FOXK2: variants seen among roughly 807,000 people sequenced by gnomAD.
The protein encoded by FOXK2 is forkhead box protein K2.
A neutral mutation model predicts 53.3 loss-of-function variants in FOXK2; 24 were observed. The ratio of observed to expected loss-of-function variants is 0.45; its 90% CI spans 0.33 to 0.63. The LOEUF (loss-of-function observed/expected upper bound fraction) is 0.63, where lower values mean the gene tolerates loss of function less well. Among genes scored for constraint, FOXK2 ranks in the 30% least tolerant of loss-of-function variants. The pLI is 0.03. For missense variants in FOXK2, 952 were observed against 910.5 expected (o/e 1.05, Z -0.59); for synonymous variants, 505 against 407.1 (o/e 1.24, Z -2.89).
intron 1 of FOXK2, among the ~76,000 whole-genome samples, chr17:82,520,751 G>A (rs554314255): frequency 1.2e-4 from 19 of 152,344 alleles, no homozygotes; most frequent in African/African-American, 4.1e-4. Context: ...TTTTGTTGTT[G>A]TTGTTGTTCA....
rs2045169655 is a variant in FOXK2, at chr17:82,586,537, TCAAAGGTAGGCGGA to T, written c.1576+338_1576+351del. Among the ~76,000 whole-genome samples, 3 of 100,918 alleles carry T rather than the reference TCAAAGGTAGGCGGA, an allele frequency of 3.0e-5. 1 individual carries two copies. Among genetic ancestry groups the T allele is most frequent in the Admixed American group, 1.8e-4 (2 of 10,874 alleles). 66.2% of individuals were successfully genotyped at this position (100,918 alleles called of 152,430 possible). A position where few individuals can be genotyped will look rare whatever the true frequency, so the allele number is the denominator to read the frequency against. ...GAGGAGAGGGGAGACCACAGGGAGG[TCAAAGGTAGGCGGA>T]GGGGAAAGGAGGAGAGGCTGCCCCA... On this transcript the variant is annotated intron_variant, in intron 7 of 8. Transcript: ENST00000335255.
intron 8 of FOXK2, among the ~76,000 whole-genome samples, chr17:82,591,418 C>T (rs891329183): frequency 2.0e-5 from 3 of 152,216 alleles, no homozygotes; most frequent in Non-Finnish European, 2.9e-5. Context: ...TGCTCCAGGG[C>T]CCCAAACCCT....
At chr17:82,548,363 T>A (rs1206882967) in intron 1 of FOXK2, among the ~76,000 whole-genome samples, 3 of 152,204 alleles carry the variant, frequency 2.0e-5, no homozygotes, top group Admixed American at 1.3e-4. Context: ...TATTTTTTTT[T>A]AATACTTTGG....
intron 1 of FOXK2, among the ~76,000 whole-genome samples, chr17:82,521,468 G>C (rs1295280806): frequency 6.6e-6 from 1 of 150,626 alleles, no homozygotes. Flanking sequence ...CACCGCGCCC[G>C]GCCTACAAAT....
At chr17:82,595,464 GC>G (rs1370934887) in intron 8 of FOXK2, among the ~76,000 whole-genome samples, 36 of 152,270 alleles carry the variant, frequency 2.4e-4, no homozygotes, top group Non-Finnish European at 5.0e-4. Context: ...AACATGTCCA[GC>G]TAATATTTTT....
intron 1 of FOXK2, among the ~76,000 whole-genome samples, chr17:82,530,820 G>A (rs2044466485): frequency 6.6e-6 from 1 of 152,122 alleles, no homozygotes; most frequent in Non-Finnish European, 1.5e-5. Context: ...CCGGTCTACT[G>A]TTGTGTTTTC....
intron 1 of FOXK2, among the ~76,000 whole-genome samples, chr17:82,536,310 T>C (rs1446316237): frequency 6.6e-6 from 1 of 152,226 alleles, no homozygotes; most frequent in Non-Finnish European, 1.5e-5. Flanking sequence ...CATACTTTCC[T>C]GTTTCTTTGT....
intron 1 of FOXK2, among the ~76,000 whole-genome samples, chr17:82,556,868 A>G (rs1390198449): frequency 6.6e-6 from 1 of 151,470 alleles, no homozygotes; most frequent in African/African-American, 2.4e-5. Flanking sequence ...ACACCTGGCT[A>G]ATTTTTGTAT....
At position 82,601,501 on chromosome 17, in the gene FOXK2, G is replaced by A. The variant is rs780334494; in HGVS notation, c.*2G>A. 8 of 1,595,782 alleles carry A rather than the reference G, an allele frequency of 5.0e-6. No homozygotes were observed. The highest frequency in any genetic ancestry group is 4.5e-5 in the East Asian group (2 of 44,514). On this transcript the variant is annotated 3_prime_UTR_variant, in exon 9 of 9. Transcript: ENST00000335255. ...AGGGAAAAGGGTGTCCAGAACTAGC[G>A]ACCGGGAGAGCTTTTCTTTAACGAT...
intron 1 of FOXK2, among the ~76,000 whole-genome samples, chr17:82,529,406 T>TG: frequency 6.8e-6 from 1 of 146,926 alleles, no homozygotes; most frequent in Non-Finnish European, 1.5e-5. Flanking sequence ...TTTTTTTTTT[T>TG]CAAGATGGAG....
At chr17:82,545,636 C>T (rs2044617215) in intron 1 of FOXK2, among the ~76,000 whole-genome samples, 2 of 147,480 alleles carry the variant, frequency 1.4e-5, no homozygotes, top group Non-Finnish European at 3.0e-5. Flanking sequence ...GGCTGGAGTA[C>T]AGTGGCACGA....
rs552880170 is a variant in FOXK2 at position 82,546,491 on chromosome 17, T to C, written c.420-16863T>C. Among the ~76,000 whole-genome samples, 4 of 151,032 alleles carry C rather than the reference T, an allele frequency of 2.6e-5. No individual in the cohort carries two copies. In the East Asian group the frequency reaches 7.8e-4, roughly 30 times the overall value. The stretch of plus-strand genomic sequence containing the variant: ...CTCGGTGCAGCTCGCCTTGTAAGTG[T>C]GGTGGGGAAGCTAGGAGTCTGAGTG... On this transcript the variant is annotated intron_variant, in intron 1 of 8. Transcript: ENST00000335255.
At chr17:82,533,996 G>A (rs188224634) in intron 1 of FOXK2, among the ~76,000 whole-genome samples, 8 of 149,834 alleles carry the variant, frequency 5.3e-5, no homozygotes, top group Admixed American at 1.3e-4. Flanking sequence ...GGGAGACCCT[G>A]TCTCAGGTCG....
At chr17:82,553,990 C>T (rs948439073) in intron 1 of FOXK2, among the ~76,000 whole-genome samples, 2 of 152,094 alleles carry the variant, frequency 1.3e-5, no homozygotes, top group East Asian at 1.9e-4. Flanking sequence ...CCCACCACCA[C>T]GCCTGGGTAA....
intron 3 of FOXK2, among the ~76,000 whole-genome samples, chr17:82,569,884 G>A (rs1307224341): frequency 2.6e-5 from 4 of 151,386 alleles, no homozygotes; most frequent in Non-Finnish European, 5.9e-5. Flanking sequence ...GAAAGAATTA[G>A]GTATGTGGAG....
chr17:82,585,871 TGTAA>T (rs780421896), intron 6 of FOXK2, 29 bp from the exon 7 acceptor site: 186 of 1,589,560 alleles, frequency 1.2e-4, no homozygotes, highest in Non-Finnish European at 1.5e-4. Context: ...AGTCAGTATC[TGTAA>T]GTGTCAGTCC....
intron 1 of FOXK2, among the ~76,000 whole-genome samples, chr17:82,545,407 A>G (rs911444510): frequency 6.6e-6 from 1 of 152,172 alleles, no homozygotes; most frequent in Non-Finnish European, 1.5e-5. Flanking sequence ...AGGTTAGTCC[A>G]TATTTTTGCA....
At chr17:82,532,086 GTAAAC>G (rs2044477202) in intron 1 of FOXK2, among the ~76,000 whole-genome samples, 1 of 151,870 alleles carries the variant, frequency 6.6e-6, no homozygotes, top group South Asian at 2.1e-4. Context: ...CTGAGCTCAG[GTAAAC>G]ACCTACCTTG....
intron 1 of FOXK2, among the ~76,000 whole-genome samples, chr17:82,540,953 A>G (rs1359858692): frequency 6.6e-6 from 1 of 152,146 alleles, no homozygotes; most frequent in Admixed American, 6.6e-5. Flanking sequence ...TGACAGTGGC[A>G]TAGCTTGGAG....
Sources: gnomAD v4.1 joint callset for allele counts (sites outside exome capture counted in the v4.1 genomes callset) on GRCh38, gnomAD v4.1.1 for gene constraint, MANE v1.5 for transcripts, NCBI Gene and HGNC (gene_info 2026-07-23, HGNC 2026-07-21) for gene names.